PDE4B: variants seen among roughly 807,000 people sequenced by gnomAD.
The protein encoded by PDE4B is 3',5'-cyclic-AMP phosphodiesterase 4B.
A neutral mutation model predicts 82.2 loss-of-function variants in PDE4B; 20 were observed. The observed-to-expected ratio is 0.24, with a 90% CI of 0.17 to 0.35. PDE4B has a LOEUF of 0.35. Among genes scored for constraint, PDE4B ranks in the 10% least tolerant of loss-of-function variants. PDE4B has a pLI of 1.00. For missense variants in PDE4B, 655 were observed against 907.2 expected (o/e 0.72, Z 3.57); for synonymous variants, 320 against 318.9 (o/e 1.00, Z -0.04).
At chr1:65,921,734 A>G (rs1243167327) in intron 3 of PDE4B, among the ~76,000 whole-genome samples, 1 of 152,228 alleles carries the variant, frequency 6.6e-6, no homozygotes, top group Non-Finnish European at 1.5e-5. Flanking sequence ...TTGGCCTGCC[A>G]GAGTTTGCCG....
At chr1:66,248,336 C>T (rs532924958) in intron 4 of PDE4B, among the ~76,000 whole-genome samples, 34 of 152,270 alleles carry the variant, frequency 2.2e-4, no homozygotes, top group Non-Finnish European at 3.4e-4. Flanking sequence ...GGAATTCATG[C>T]CTTAAAAGGT....
chr1:65,898,268 T>A (rs1455810982), intron 1 of PDE4B, among the ~76,000 whole-genome samples: 4 of 152,102 alleles, frequency 2.6e-5, no homozygotes, highest in Non-Finnish European at 4.4e-5. Context: ...TTTCTTCCAT[T>A]TTGTGGGGTT....
At chr1:65,823,345 A>G (rs978678469) in intron 1 of PDE4B, among the ~76,000 whole-genome samples, 2 of 149,758 alleles carry the variant, frequency 1.3e-5, no homozygotes, top group Non-Finnish European at 1.5e-5. Flanking sequence ...GCAGTGAGCC[A>G]AGATCGCACC....
chr1:65,914,817 G>A (rs1330668465), intron 2 of PDE4B, among the ~76,000 whole-genome samples: 1 of 152,108 alleles, frequency 6.6e-6, no homozygotes, highest in East Asian at 1.9e-4. Context: ...CCTGCAAGAA[G>A]CATGCAATGG....
intron 3 of PDE4B, among the ~76,000 whole-genome samples, chr1:66,111,361 T>G (rs1047400327): frequency 1.4e-4 from 21 of 152,082 alleles, no homozygotes; most frequent in African/African-American, 5.1e-4. Flanking sequence ...ACCATCCATC[T>G]CCAGAATATT....
intron 1 of PDE4B, among the ~76,000 whole-genome samples, chr1:65,902,584 CTGAT>C (rs1646983665): frequency 6.6e-6 from 1 of 152,124 alleles, no homozygotes. Context: ...TGTCATATAA[CTGAT>C]TGTATCAGTT....
intron 3 of PDE4B, among the ~76,000 whole-genome samples, chr1:66,041,823 CACACAT>C (rs747702901): frequency 0.061 from 6,121 of 100,516 alleles, 168 homozygotes; most frequent in Non-Finnish European, 0.089. Context: ...CACACACACA[CACACAT>C]ACACACACAC....
chr1:66,060,435 G>A (rs1404152644), intron 3 of PDE4B, among the ~76,000 whole-genome samples: 1 of 152,182 alleles, frequency 6.6e-6, no homozygotes, highest in East Asian at 1.9e-4. Context: ...GCTTTCCAAT[G>A]TGGTAGTCAT....
intron 3 of PDE4B, among the ~76,000 whole-genome samples, chr1:65,924,724 C>T (rs1647407132): frequency 4.6e-5 from 7 of 152,218 alleles, no homozygotes; most frequent in Admixed American, 3.9e-4. Context: ...TGCTTCCAAC[C>T]TGATCAACAT....
rs181535840 is a variant in PDE4B, at chr1:66,029,241, G to A, written c.281+110406G>A. Reference sequence around the variant, plus strand: ...ACCCTTAATAAACCCATCAGATTTCGTGAGACATATTCACTATCACGAGGG... The same window carrying A: ...ACCCTTAATAAACCCATCAGATTTCATGAGACATATTCACTATCACGAGGG... On this transcript the variant is annotated intron_variant, in intron 3 of 16. Coordinates refer to ENST00000341517, the MANE Select transcript of PDE4B (RefSeq NM_002600.4). Among the ~76,000 whole-genome samples the A allele has an allele frequency of 1.5e-3, 224 of 152,192 alleles. 1 individual carries two copies. Among genetic ancestry groups the A allele is most frequent in the Admixed American group, 1.5e-3 (23 of 15,284 alleles).
intron 7 of PDE4B, among the ~76,000 whole-genome samples, chr1:66,325,100 A>T (rs1404807225): frequency 6.6e-6 from 1 of 152,176 alleles, no homozygotes; most frequent in Non-Finnish European, 1.5e-5. Flanking sequence ...ACATTTTATC[A>T]AGTACTTATT....
intron 3 of PDE4B, among the ~76,000 whole-genome samples, chr1:66,237,211 G>T (rs1412440673): frequency 1.3e-5 from 2 of 152,144 alleles, no homozygotes; most frequent in Admixed American, 6.5e-5. Flanking sequence ...CAGGCTGTCT[G>T]CAGGTGCAGT....
intron 3 of PDE4B, chr1:66,042,464 T>C (rs914667864): frequency 6.6e-6 from 1 of 151,882 alleles, no homozygotes; most frequent in African/African-American, 2.4e-5. Flanking sequence ...TTATACAACA[T>C]ACATAATGGC....
chr1:66,013,517 C>T (rs948477527), intron 3 of PDE4B, among the ~76,000 whole-genome samples: 3 of 152,026 alleles, frequency 2.0e-5, no homozygotes, highest in African/African-American at 2.4e-5. Flanking sequence ...TTACCATCTT[C>T]GCTATTTCTA....
At chr1:66,237,097 AG>A (rs1162442244) in intron 3 of PDE4B, among the ~76,000 whole-genome samples, 1 of 152,208 alleles carries the variant, frequency 6.6e-6, no homozygotes, top group Admixed American at 6.5e-5. Flanking sequence ...CCTAAGTACA[AG>A]TGGAAAGATT....
intron 3 of PDE4B, among the ~76,000 whole-genome samples, chr1:66,217,043 G>A (rs1310876913): frequency 1.3e-5 from 2 of 151,976 alleles, no homozygotes; most frequent in East Asian, 3.9e-4. Flanking sequence ...TGCTTCATTT[G>A]CTCCAAGTTT....
intron 1 of PDE4B, among the ~76,000 whole-genome samples, chr1:65,836,494 G>T (rs1486912349): frequency 1.3e-5 from 2 of 152,134 alleles, no homozygotes; most frequent in Non-Finnish European, 2.9e-5. Flanking sequence ...TAACCTTCCT[G>T]GTTTTCATTT....
chr1:65,972,114 T>G (rs1650171050), intron 3 of PDE4B, among the ~76,000 whole-genome samples: 1 of 152,236 alleles, frequency 6.6e-6, no homozygotes, highest in Admixed American at 6.5e-5. Context: ...TATTGGATTT[T>G]ATGTTTATTT....
At chr1:66,061,446 G>C (rs1655578667) in intron 3 of PDE4B, among the ~76,000 whole-genome samples, 2 of 151,864 alleles carry the variant, frequency 1.3e-5, no homozygotes, top group African/African-American at 2.4e-5. Context: ...TGAAGGACAG[G>C]CTGGTGAAAG....
Sources: gnomAD v4.1 joint callset for allele counts (sites outside exome capture counted in the v4.1 genomes callset) on GRCh38, gnomAD v4.1.1 for gene constraint, MANE v1.5 for transcripts, NCBI Gene and HGNC (gene_info 2026-07-23, HGNC 2026-07-21) for gene names.